TSHZ2: variants seen among roughly 807,000 people sequenced by gnomAD.
TSHZ2 encodes the protein teashirt homolog 2.
TSHZ2 carries 21 observed loss-of-function variants against 74.4 expected under a neutral mutation model. The observed-to-expected ratio is 0.28, with a 90% confidence interval of 0.20 to 0.41. The LOEUF is 0.41. Ranked by LOEUF, TSHZ2 falls within the 10% of genes least tolerant of loss-of-function variation. The pLI, the probability that TSHZ2 is intolerant of heterozygous loss-of-function variation, is 1.00. For synonymous variants in TSHZ2, 540 were observed against 515.3 expected (o/e 1.05, Z -0.65); for missense variants, 1,244 against 1,293.5 (o/e 0.96, Z 0.59).
intron 2 of TSHZ2, among the ~76,000 whole-genome samples, chr20:53,414,198 A>G (rs1386322235): frequency 6.6e-6 from 1 of 152,234 alleles, no homozygotes; most frequent in East Asian, 1.9e-4. Context: ...ATGTTTATGT[A>G]GAGAACATTT....
chr20:52,987,457 CCTCT>C lies in TSHZ2; in HGVS notation c.40+14135_40+14138del, dbSNP rs574813303. Among the ~76,000 whole-genome samples, 56 of 149,402 alleles carry C rather than the reference CCTCT, an allele frequency of 3.7e-4. No individual in the cohort carries two copies. The South Asian group carries it at 4.5e-3, about 12-fold the overall frequency. On this transcript the variant is annotated intron_variant, in intron 1 of 2. Coordinates refer to ENST00000371497, the MANE Select transcript of TSHZ2 (RefSeq NM_173485.6). ...CCCTTTTTTTATACTCTTTCTCTCT[CCTCT>C]CTCTCTCTCTTTCTCTCTCCTCTCT...
intron 1 of TSHZ2, among the ~76,000 whole-genome samples, chr20:53,114,114 A>C (rs1320203012): frequency 1.3e-5 from 2 of 151,754 alleles, no homozygotes; most frequent in Non-Finnish European, 1.5e-5. Context: ...AAAAAAAAGA[A>C]AGAAAAAAAA....
At chr20:53,295,648 C>A (rs1441687490) in intron 2 of TSHZ2, among the ~76,000 whole-genome samples, 3 of 151,846 alleles carry the variant, frequency 2.0e-5, no homozygotes, top group African/African-American at 7.3e-5. Context: ...TATAACTTAA[C>A]AAAAAAAGGA....
chr20:52,973,339 AGAAACGGCTCCGCTTCGGGGCTGCCCT>A lies in TSHZ2; in HGVS notation c.40+8_40+34del. 1 of 1,551,640 alleles carries A rather than the reference AGAAACGGCTCCGCTTCGGGGCTGCCCT, an allele frequency of 6.4e-7. No homozygotes were observed. Among genetic ancestry groups the A allele is most frequent in the Non-Finnish European group, 8.7e-7 (1 of 1,146,918 alleles). On this transcript the variant is annotated splice_region_variant and intron_variant, in intron 1 of 2. Transcript: ENST00000371497. ...GGCACCCAAGCGGGCGGCAGGTAAG[AGAAACGGCTCCGCTTCGGGGCTGCCCT>A]GTGCGCCGAGCTCCTCGCCCGCCCT...
At chr20:53,334,064 C>A (rs1328299730) in intron 2 of TSHZ2, among the ~76,000 whole-genome samples, 1 of 152,216 alleles carries the variant, frequency 6.6e-6, no homozygotes, top group Non-Finnish European at 1.5e-5. Flanking sequence ...ATCTGTTCAT[C>A]CTGGGCCCAC....
chr20:53,207,277 C>T (rs1989190977), intron 1 of TSHZ2, among the ~76,000 whole-genome samples: 1 of 152,034 alleles, frequency 6.6e-6, no homozygotes. Flanking sequence ...AATCCACGAG[C>T]ACCAATAATG....
At chr20:53,171,082 T>C (rs1988190023) in intron 1 of TSHZ2, among the ~76,000 whole-genome samples, 1 of 152,218 alleles carries the variant, frequency 6.6e-6, no homozygotes, top group African/African-American at 2.4e-5. Context: ...AATGTATCTG[T>C]GTGTTTTAAT....
intron 2 of TSHZ2, among the ~76,000 whole-genome samples, chr20:53,277,245 T>G (rs902027951): frequency 6.6e-6 from 1 of 151,074 alleles, no homozygotes; most frequent in African/African-American, 2.4e-5. Context: ...CTAAAAGTAT[T>G]TTGGAAGCAA....
At chr20:53,195,982 G>A (rs916871091) in intron 1 of TSHZ2, among the ~76,000 whole-genome samples, 12 of 152,138 alleles carry the variant, frequency 7.9e-5, no homozygotes, top group Non-Finnish European at 7.4e-5. Flanking sequence ...TAAGAGCAGC[G>A]TGGATGGCTC....
At chr20:53,373,002 T>A (rs576741376) in intron 2 of TSHZ2, among the ~76,000 whole-genome samples, 187 of 152,180 alleles carry the variant, frequency 1.2e-3, no homozygotes, top group African/African-American at 4.3e-3. Flanking sequence ...CCACAGTTCT[T>A]TATGAATCTC....
At chr20:53,431,773 A>G (rs545505656) in intron 2 of TSHZ2, among the ~76,000 whole-genome samples, 1 of 152,312 alleles carries the variant, frequency 6.6e-6, no homozygotes, top group African/African-American at 2.4e-5. Flanking sequence ...TTTCATACCT[A>G]TTTTAAGATA....
At chr20:53,471,786 G>A (rs184211210) in intron 2 of TSHZ2, among the ~76,000 whole-genome samples, 36 of 147,742 alleles carry the variant, frequency 2.4e-4, no homozygotes, top group East Asian at 1.2e-3. Context: ...TCTAAGTGCC[G>A]TAGACACTTT....
At chr20:53,473,381 C>T (rs1233814320) in intron 2 of TSHZ2, among the ~76,000 whole-genome samples, 1 of 142,380 alleles carries the variant, frequency 7.0e-6, no homozygotes, top group Admixed American at 7.0e-5. Flanking sequence ...TGGCAGGCAC[C>T]CCCCAGCAGG....
intron 2 of TSHZ2, among the ~76,000 whole-genome samples, chr20:53,316,408 G>A (rs1223118452): frequency 6.6e-6 from 1 of 152,144 alleles, no homozygotes; most frequent in Non-Finnish European, 1.5e-5. Context: ...GTAGGGGGTT[G>A]GTGTTGGAGG....
At chr20:53,417,066 G>A (rs1182091490) in intron 2 of TSHZ2, among the ~76,000 whole-genome samples, 1 of 152,164 alleles carries the variant, frequency 6.6e-6, no homozygotes, top group Non-Finnish European at 1.5e-5. Flanking sequence ...CTGAGCAGCA[G>A]TGCTGGCCTG....
At chr20:53,135,520 C>T (rs1351176876) in intron 1 of TSHZ2, among the ~76,000 whole-genome samples, 1 of 152,196 alleles carries the variant, frequency 6.6e-6, no homozygotes, top group Non-Finnish European at 1.5e-5. Context: ...CATGGATGCA[C>T]TGCCGTTTGT....
At position 53,434,002 on chromosome 20, in the gene TSHZ2, G is replaced by A. The variant is rs146810366; in HGVS notation, c.*9-53142G>A. On this transcript the variant is annotated intron_variant, in intron 2 of 2. Transcript: ENST00000371497. ...TCCTGCCTCAGCCTCCCAAGTAGCT[G>A]GGACTACAGGCACATGCCACCATGC... is the stretch of plus-strand genomic sequence containing the variant. Among the ~76,000 whole-genome samples, 530 of 152,254 alleles carry A rather than the reference G, an allele frequency of 3.5e-3. 1 individual carries two copies. The highest frequency in any genetic ancestry group is 0.012 in the African/African-American group (497 of 41,552).
chr20:53,330,983 G>A (rs1206228256), intron 2 of TSHZ2, among the ~76,000 whole-genome samples: 1 of 152,172 alleles, frequency 6.6e-6, no homozygotes, highest in Admixed American at 6.5e-5. Context: ...GGCAAACTGT[G>A]TAAGAGGGAG....
At chr20:53,309,556 TAAG>T (rs562473658) in intron 2 of TSHZ2, among the ~76,000 whole-genome samples, 39 of 152,288 alleles carry the variant, frequency 2.6e-4, no homozygotes, top group African/African-American at 7.5e-4. Context: ...GTTTTACAAA[TAAG>T]AAGAAGACAT....
Sources: gnomAD v4.1 joint callset for allele counts (sites outside exome capture counted in the v4.1 genomes callset) on GRCh38, gnomAD v4.1.1 for gene constraint, MANE v1.5 for transcripts, NCBI Gene and HGNC (gene_info 2026-07-23, HGNC 2026-07-21) for gene names.